PMPCA: variants seen among roughly 807,000 people sequenced by gnomAD.
PMPCA encodes mitochondrial-processing peptidase subunit alpha.
A neutral mutation model predicts 59.3 loss-of-function variants in PMPCA; 47 were observed. The observed-to-expected ratio is 0.79, with a 90% CI of 0.63 to 1.01. PMPCA has a LOEUF of 1.01. Ranked by LOEUF, PMPCA falls within the 50% of genes least tolerant of loss-of-function variation. The pLI is 0.00. For missense variants in PMPCA, 726 were observed against 704.5 expected, an observed-to-expected ratio of 1.03 and a Z score of -0.34; for synonymous variants, 338 against 290.3, an observed-to-expected ratio of 1.16 and a Z score of -1.67.
At chr9:136,410,986 G>A (rs1283516832) in intron 1 of PMPCA, 2 of 389,222 alleles carry the variant, frequency 5.1e-6, no homozygotes, top group Non-Finnish European at 9.1e-6. Context: ...CCGGGTCGAC[G>A]GGCCTTCTCC....
chr9:136,417,663 C>A (rs1361021549), intron 7 of PMPCA, among the ~76,000 whole-genome samples: 1 of 151,916 alleles, frequency 6.6e-6, no homozygotes, highest in African/African-American at 2.4e-5. Context: ...ACTATGTTGG[C>A]CAGGCTGGTC....
intron 12 of PMPCA, 166 bp downstream of exon 12, chr9:136,422,142 G>A (rs971126262): frequency 2.9e-5 from 45 of 1,541,684 alleles, no homozygotes; most frequent in African/African-American, 1.6e-4. Context: ...GGGCAGGGTC[G>A]TGGGGTCGCA....
chr9:136,412,862 A>T lies in PMPCA; in HGVS notation c.407A>T (p.His136Leu). 5 of 1,608,982 alleles carry T rather than the reference A, an allele frequency of 3.1e-6. No individual in the cohort carries two copies. The South Asian group carries it at 3.3e-5, about 11-fold the overall frequency. ...KDEILLTLEKHGGICDCQTSR... is the reference protein window; with the variant it reads ...KDEILLTLEKLGGICDCQTSR... ...GAAATTCTGCTTACGTTGGAAAAGC[A>T]TGGGGGTATCTGTGACTGCCAGACA... is the stretch of plus-strand genomic sequence containing the variant. The change falls in exon 4 of 13, where the codon CAT becomes CTT. Residue 136 changes from histidine (H) to leucine (L), a missense_variant. His to Leu is a moderately conservative substitution (Grantham distance 99, BLOSUM62 -3). Transcript: ENST00000371717.
chr9:136,421,183 C>T (rs78901656), intron 11 of PMPCA, among the ~76,000 whole-genome samples: 7,509 of 152,310 alleles, frequency 0.049, 333 homozygotes, highest in African/African-American at 0.11. Context: ...ATTTGTTTTC[C>T]CCGATTTTGC....
rs767886920 is a variant in PMPCA at position 136,417,042 on chromosome 9, T to C, written c.725T>C (p.Leu242Pro). The part of the protein sequence containing the change: ...KINREVLHSY[L>P]RNYYTPDRMV... ...AACCGAGAGGTGCTGCATTCCTACC[T>C]GAGGAACTACTACACTCCCGACCGC... The change falls in exon 7 of 13, where the codon CTG becomes CCG. Residue 242 changes from leucine (L) to proline (P), a missense_variant. Coordinates refer to ENST00000371717, the MANE Select transcript of PMPCA (RefSeq NM_015160.3). 1.5e-5 allele frequency: 24 copies of C among 1,613,968 alleles called. No individual in the cohort carries two copies. The highest frequency in any genetic ancestry group is 1.9e-5 in the Non-Finnish European group (23 of 1,180,014).
chr9:136,414,968 G>C (rs1280313413), intron 5 of PMPCA, among the ~76,000 whole-genome samples: 1 of 152,082 alleles, frequency 6.6e-6, no homozygotes, highest in Non-Finnish European at 1.5e-5. Flanking sequence ...TACACTTAGA[G>C]TCCTAGCTAC....
At chr9:136,413,615 C>T (rs1398150255) in intron 4 of PMPCA, among the ~76,000 whole-genome samples, 2 of 152,110 alleles carry the variant, frequency 1.3e-5, no homozygotes, top group Non-Finnish European at 2.9e-5. Context: ...TCTTAATACC[C>T]CCTGACTCCC....
intron 1 of PMPCA, 43 bp downstream of exon 1, chr9:136,410,782 G>A: frequency 1.5e-6 from 2 of 1,357,166 alleles, no homozygotes; most frequent in Non-Finnish European, 1.9e-6. Context: ...GGCGGGGGCG[G>A]CTCGAGTCTT....
rs747841320 is a variant in PMPCA, at chr9:136,412,596, A to T, written c.354+27A>T. 2.5e-6 allele frequency: 3 copies of T among 1,214,106 alleles called. No individual in the cohort carries two copies. The Admixed American group carries it at 5.5e-5, about 22-fold the overall frequency. The allele number at this position is 1,214,106 out of a possible 1,614,324, so 75.2% of individuals were successfully genotyped here. On this transcript the variant is annotated intron_variant, in intron 3 of 12. Transcript: ENST00000371717. ...TCAGTACCCAGTTTTGTAATTTTTT[A>T]GACTATACTTTTGAAGGATGTTTGA... is the stretch of plus-strand genomic sequence containing the variant.
intron 6 of PMPCA, 25 bp from the exon 7 acceptor site, chr9:136,416,926 T>G: frequency 6.3e-7 from 1 of 1,588,250 alleles, no homozygotes; most frequent in South Asian, 1.1e-5. Flanking sequence ...TTCAGTCACC[T>G]GTGTCTGTGG....
chr9:136,418,555 G>A lies in PMPCA; in HGVS notation c.991G>A (p.Glu331Lys). The change falls in exon 9 of 13, where the codon GAG becomes AAG. Residue 331 changes from glutamate (E) to lysine (K), a missense_variant and splice_region_variant. By Grantham distance (56) the Glu-to-Lys change is moderately conservative. Transcript: ENST00000371717. ...CCAGCTCTGCCCTCCGTCCCTGCAG[G>A]AGGAGGACTTCATCCCCTTTGCAGT... ...MVGLESCSFLEEDFIPFAVLN... is the reference protein window; with the variant it reads ...MVGLESCSFLKEDFIPFAVLN... 1 of 1,590,218 alleles carries A rather than the reference G, an allele frequency of 6.3e-7. No individual in the cohort carries two copies. Among genetic ancestry groups the A allele is most frequent in the Admixed American group, 1.7e-5 (1 of 59,970 alleles).
Position 136,418,661 on chromosome 9 carries a change from A to G in PMPCA, c.1097A>G (p.Asn366Ser). 1 of 1,608,020 alleles carries G rather than the reference A, an allele frequency of 6.2e-7. No homozygotes were observed. The highest frequency in any genetic ancestry group is 8.5e-7 in the Non-Finnish European group (1 of 1,174,446). Reference sequence around the variant, plus strand: ...GGCATGTTCTCCAGGCTCTACCTCAACGTGCTCAACAGGTGGGTTGCACTC... The same window carrying G: ...GGCATGTTCTCCAGGCTCTACCTCAGCGTGCTCAACAGGTGGGTTGCACTC... ...GKGMFSRLYL[N>S]VLNRHHWMYN... Residue 366 changes from asparagine (N) to serine (S), a missense_variant, in exon 9 of 13, where the codon AAC (asparagine) becomes AGC (serine). Asn to Ser is a conservative substitution (Grantham distance 46). Coordinates refer to ENST00000371717, the MANE Select transcript of PMPCA (RefSeq NM_015160.3).
At chr9:136,412,364 C>T in intron 2 of PMPCA, 126 bp from the exon 3 acceptor site, 1 of 751,928 alleles carries the variant, frequency 1.3e-6, no homozygotes, top group South Asian at 1.6e-5. Context: ...GTGAAACCAT[C>T]AGCACAATCA....
intron 2 of PMPCA, 68 bp downstream of exon 2, chr9:136,412,267 A>T: frequency 8.9e-7 from 1 of 1,123,672 alleles, no homozygotes. Flanking sequence ...GTTGACTGTT[A>T]GTTGTAATTA....
chr9:136,412,012 G>T lies in PMPCA; in HGVS notation c.87G>T (p.Ala29=). The T allele has an allele frequency of 6.2e-7, 1 of 1,610,752 alleles. No homozygotes were observed. The highest frequency in any genetic ancestry group is 8.5e-7 in the Non-Finnish European group (1 of 1,177,136). The change falls in exon 2 of 13, where the codon GCG becomes GCT. Residue 29 remains alanine, a synonymous_variant. Coordinates refer to ENST00000371717, the MANE Select transcript of PMPCA (RefSeq NM_015160.3). ...TCTGTTTTAGGTTTGGACCTCCTGC[G>T]TACAGACGGTTTAGTAGTGGTGGTG... is the stretch of plus-strand genomic sequence containing the variant. The part of the protein sequence containing the change: ...GCSRLRFGPP[A]YRRFSSGGAY...
intron 12 of PMPCA, chr9:136,422,726 G>T: frequency 9.3e-7 from 1 of 1,071,296 alleles, no homozygotes; most frequent in Non-Finnish European, 1.1e-6. Context: ...GCAGCCCTTT[G>T]GCCTTCTCTC....
At position 136,423,461 on chromosome 9, in the gene PMPCA, C is replaced by T. The variant is rs1835520209; in HGVS notation, c.*197C>T. 1.7e-6 allele frequency: 1 copy of T among 592,704 alleles called. No individual in the cohort carries two copies. Among genetic ancestry groups the T allele is most frequent in the South Asian group, 2.1e-5 (1 of 47,892 alleles). 36.7% of individuals were successfully genotyped at this position (592,704 alleles called of 1,614,324 possible). ...CAGTGGAGTCAGTATCGAGCCTGAC[C>T]ACCGCAAGCCAGGAAGCAGGTGAAG... On this transcript the variant is annotated 3_prime_UTR_variant, in exon 13 of 13. Transcript: ENST00000371717.
At chr9:136,416,457 TG>T in intron 6 of PMPCA, 66 bp downstream of exon 6, 1 of 1,135,044 alleles carries the variant, frequency 8.8e-7, no homozygotes, top group Non-Finnish European at 1.3e-6. Flanking sequence ...CCAGGGGTGG[TG>T]GGGAGGGTGC....
Position 136,421,826 on chromosome 9 carries a change from C to T in PMPCA, c.1264-6C>T, listed in dbSNP as rs751764531. The T allele has an allele frequency of 6.3e-7, 1 of 1,579,800 alleles. No individual in the cohort carries two copies. The highest frequency in any genetic ancestry group is 8.6e-7 in the Non-Finnish European group (1 of 1,158,482). On this transcript the variant is annotated splice_region_variant and splice_polypyrimidine_tract_variant and intron_variant, in intron 11 of 12. Coordinates refer to ENST00000371717, the MANE Select transcript of PMPCA (RefSeq NM_015160.3). Reference sequence around the variant, plus strand: ...GTGTGCTCACCTGACTGGACCCTGGCCCCAGGTGGAGCTGGAACGAGCCAA... The same window carrying T: ...GTGTGCTCACCTGACTGGACCCTGGTCCCAGGTGGAGCTGGAACGAGCCAA...
Sources: allele counts gnomAD v4.1 joint callset (sites outside exome capture counted in the v4.1 genomes callset), GRCh38; gene constraint gnomAD v4.1.1; transcripts MANE v1.5; gene names NCBI Gene and HGNC (gene_info 2026-07-23, HGNC 2026-07-21).